SLC36A1: variants seen among roughly 807,000 people sequenced by gnomAD.
SLC36A1 encodes the protein solute carrier family 36 member 1.
Under a neutral mutation model 47.5 loss-of-function variants are expected in SLC36A1, and 30 were observed. The ratio of observed to expected loss-of-function variants is 0.63; its 90% confidence interval spans 0.47 to 0.86. The LOEUF (loss-of-function observed/expected upper bound fraction) is 0.86. Among genes scored for constraint, SLC36A1 ranks in the 40% least tolerant of loss-of-function variants. SLC36A1 has a pLI of 0.00. For synonymous variants in SLC36A1, 255 were observed against 249.7 expected, an observed-to-expected ratio of 1.02 and a Z score of -0.20; for missense variants, 517 against 606.0, an observed-to-expected ratio of 0.85 and a Z score of 1.54.
intron 7 of SLC36A1, chr5:151,471,033 A>G (rs1757244833): frequency 6.6e-6 from 1 of 152,230 alleles, no homozygotes; most frequent in Admixed American, 6.5e-5. Context: ...CTCACAATCC[A>G]TGTGTACCTT....
chr5:151,347,622 C>G, the SLC36A1 span: 1 of 741,878 alleles, frequency 1.3e-6, no homozygotes, highest in African/African-American at 1.7e-5. Context: ...CCCTGGAGGG[C>G]ACCTCTTCCT....
At chr5:151,474,391 G>A (rs993663793) in intron 8 of SLC36A1, among the ~76,000 whole-genome samples, 2 of 152,074 alleles carry the variant, frequency 1.3e-5, no homozygotes, top group Non-Finnish European at 2.9e-5. Flanking sequence ...AGACTGACAT[G>A]GGGGTAAGTC....
At chr5:151,390,932 C>T in the SLC36A1 span, among the ~76,000 whole-genome samples, 3 of 152,014 alleles carry the variant, frequency 2.0e-5, no homozygotes, top group Non-Finnish European at 4.4e-5. Context: ...CGTTTTTTTC[C>T]AATTCTGTGA....
chr5:151,513,401 A>C, the SLC36A1 span, among the ~76,000 whole-genome samples: 1 of 152,238 alleles, frequency 6.6e-6, no homozygotes, highest in East Asian at 1.9e-4. Flanking sequence ...CACCATGGAC[A>C]ACCATTCAGC....
At chr5:151,358,555 C>A in the SLC36A1 span, among the ~76,000 whole-genome samples, 1 of 152,196 alleles carries the variant, frequency 6.6e-6, no homozygotes, top group Non-Finnish European at 1.5e-5. Flanking sequence ...TAACACTTCT[C>A]ATCTGGTGCT....
chr5:151,531,965 T>C, the SLC36A1 span: 1 of 1,614,044 alleles, frequency 6.2e-7, no homozygotes, highest in Non-Finnish European at 8.5e-7. The surrounding 1 kb of genome is among the most constrained non-coding windows in gnomAD (Gnocchi z 5.7). Flanking sequence ...ACCTGGGCAT[T>C]GGCGCCTGGC....
upstream of SLC36A1, among the ~76,000 whole-genome samples, chr5:151,446,287 T>C (rs1752913305): frequency 6.6e-6 from 1 of 152,256 alleles, no homozygotes; most frequent in Non-Finnish European, 1.5e-5. Flanking sequence ...ATCTCAGCAC[T>C]TTGGGAGGCC....
At chr5:151,406,980 G>A in the SLC36A1 span, among the ~76,000 whole-genome samples, 1 of 152,186 alleles carries the variant, frequency 6.6e-6, no homozygotes, top group South Asian at 2.1e-4. Flanking sequence ...GACTTCAGGA[G>A]TGAAGCTGCA....
chr5:151,439,513 C>A (rs1354153454), intron 1 of SLC36A1, among the ~76,000 whole-genome samples: 1 of 151,750 alleles, frequency 6.6e-6, no homozygotes, highest in African/African-American at 2.4e-5. Context: ...ATTTGCCAGG[C>A]GTGGTGGTGT....
At chr5:151,426,078 ATGT>A in the SLC36A1 span, among the ~76,000 whole-genome samples, 1 of 151,932 alleles carries the variant, frequency 6.6e-6, no homozygotes, top group Non-Finnish European at 1.5e-5. Context: ...TTAAGGAGGG[ATGT>A]TGTGCATATC....
chr5:151,426,006 A>ATCTATCTATC, the SLC36A1 span, among the ~76,000 whole-genome samples: 7 of 69,638 alleles, frequency 1.0e-4, no homozygotes, highest in South Asian at 2.5e-3. Flanking sequence ...ATCTATCTAT[A>ATCTATCTATC]CCTATGTCCA....
chr5:151,473,878 G>A lies in SLC36A1; in HGVS notation c.822+107G>A, dbSNP rs577971176. 71 of 903,014 alleles carry A rather than the reference G, an allele frequency of 7.9e-5. No homozygotes were observed. In the African/African-American group the frequency reaches 1.0e-3, roughly 13 times the overall value. 55.9% of individuals were successfully genotyped at this position (903,014 alleles called of 1,614,324 possible). Reference sequence around the variant, plus strand: ...AACATTGTTAGAAAGTATCTTCTGAGGCCAGGCATGGTGGCTCACGCCTGT... The same window carrying A: ...AACATTGTTAGAAAGTATCTTCTGAAGCCAGGCATGGTGGCTCACGCCTGT... On this transcript the variant is annotated intron_variant, in intron 8 of 10. Transcript: ENST00000243389.
intron 2 of SLC36A1, among the ~76,000 whole-genome samples, chr5:151,459,206 A>G (rs1755150349): frequency 6.6e-6 from 1 of 152,220 alleles, no homozygotes; most frequent in Non-Finnish European, 1.5e-5. Flanking sequence ...TACAGAGGAC[A>G]TTCTTTTAAT....
chr5:151,482,967 G>T (rs1312939384), intron 10 of SLC36A1, among the ~76,000 whole-genome samples: 3 of 152,148 alleles, frequency 2.0e-5, no homozygotes, highest in Non-Finnish European at 4.4e-5. Context: ...AACCCAGGAG[G>T]CAGAGCTTGC....
chr5:151,423,193 C>G, the SLC36A1 span, among the ~76,000 whole-genome samples: 1 of 152,198 alleles, frequency 6.6e-6, no homozygotes, highest in African/African-American at 2.4e-5. Flanking sequence ...TTCGGGAATG[C>G]AAAATGGTAC....
chr5:151,357,746 G>A, the SLC36A1 span, among the ~76,000 whole-genome samples: 1 of 152,212 alleles, frequency 6.6e-6, no homozygotes, highest in Non-Finnish European at 1.5e-5. Flanking sequence ...GAAAAAGCTT[G>A]CCAACCTCTG....
rs1755331048 is a variant in SLC36A1 at position 151,460,321 on chromosome 5, G to A, written c.143+1386G>A. On this transcript the variant is annotated intron_variant, in intron 2 of 10. Coordinates refer to ENST00000243389, the MANE Select transcript of SLC36A1 (RefSeq NM_078483.4). ...TGTCTAAGCAATATTTAGCAGATGA[G>A]GTCTGGATTTTTATGTTTATAGAGA... Among the ~76,000 whole-genome samples, 4 of 152,242 alleles carry A rather than the reference G, an allele frequency of 2.6e-5. No homozygotes were observed. The South Asian group carries it at 8.3e-4, about 32-fold the overall frequency.
At chr5:151,356,379 TAAAGTGCTAGAAGA>T in the SLC36A1 span, among the ~76,000 whole-genome samples, 3 of 104,550 alleles carry the variant, frequency 2.9e-5, no homozygotes, top group Non-Finnish European at 6.3e-5. Context: ...GAAGACCTGA[TAAAGTGCTAGAAGA>T]AAAGTGCTAC....
chr5:151,462,980 A>G (rs184629918), intron 2 of SLC36A1, among the ~76,000 whole-genome samples: 10 of 151,932 alleles, frequency 6.6e-5, no homozygotes, highest in East Asian at 5.8e-4. Flanking sequence ...GGTTCAAGCA[A>G]TTCTCCTACC....
Sources: gnomAD v4.1 joint callset for allele counts (sites outside exome capture counted in the v4.1 genomes callset) on GRCh38, gnomAD v4.1.1 for gene constraint, Gnocchi (gnomAD v3.1) non-coding constraint, MANE v1.5 for transcripts, NCBI Gene and HGNC (gene_info 2026-07-23, HGNC 2026-07-21) for gene names.